The following SLC71A2 variants were observed in gnomAD, a reference collection of about 807,000 sequenced individuals.
SLC71A2 encodes hippocampus abundant transcript-like 1.
the SLC71A2 span, among the ~76,000 whole-genome samples, chr9:94,417,566 A>G: frequency 0.51 from 78,154 of 151,798 alleles, 20,369 homozygotes; most frequent in Admixed American, 0.61. Flanking sequence ...GATGGAGGTT[A>G]CAGTGAGCCA....
At chr9:94,448,350 TAAAAA>T in the SLC71A2 span, among the ~76,000 whole-genome samples, 1 of 150,542 alleles carries the variant, frequency 6.6e-6, no homozygotes, top group Non-Finnish European at 1.5e-5. Context: ...TTAAAGCAAT[TAAAAA>T]AAAGAAAACC....
the SLC71A2 span, among the ~76,000 whole-genome samples, chr9:94,455,784 T>G: frequency 6.6e-6 from 1 of 152,102 alleles, no homozygotes; most frequent in African/African-American, 2.4e-5. Context: ...GTTTTTCCAG[T>G]TGGGGGCACA....
chr9:94,387,124 ACT>A, the SLC71A2 span, among the ~76,000 whole-genome samples: 1 of 151,554 alleles, frequency 6.6e-6, no homozygotes, highest in African/African-American at 2.4e-5. Context: ...TGTGGAGAAC[ACT>A]CTCATGTCTA....
chr9:94,384,261 CTTTT>C, the SLC71A2 span, among the ~76,000 whole-genome samples: 2 of 150,824 alleles, frequency 1.3e-5, no homozygotes, highest in Non-Finnish European at 1.5e-5. Context: ...TCATCCTTAT[CTTTT>C]TGTGATTGAC....
At chr9:94,408,316 T>C in the SLC71A2 span, among the ~76,000 whole-genome samples, 13 of 152,168 alleles carry the variant, frequency 8.5e-5, no homozygotes, top group Admixed American at 7.9e-4. Context: ...AACCCCTTTG[T>C]AAGTCGAGGA....
the SLC71A2 span, among the ~76,000 whole-genome samples, chr9:94,415,418 C>T: frequency 1.3e-5 from 2 of 151,296 alleles, no homozygotes; most frequent in African/African-American, 4.9e-5. Context: ...TTCTGAACCA[C>T]ATGTAACACA....
At chr9:94,436,701 AT>A in the SLC71A2 span, among the ~76,000 whole-genome samples, 1 of 151,984 alleles carries the variant, frequency 6.6e-6, no homozygotes, top group South Asian at 2.1e-4. Flanking sequence ...CCCTCCTCTT[AT>A]CAGTTTACCT....
At chr9:94,451,555 A>G in the SLC71A2 span, 2 of 1,207,130 alleles carry the variant, frequency 1.7e-6, no homozygotes, top group Non-Finnish European at 2.3e-6. Flanking sequence ...TATACTTAAA[A>G]AATTTAAAAA....
the SLC71A2 span, among the ~76,000 whole-genome samples, chr9:94,403,538 G>C: frequency 1.3e-5 from 2 of 149,018 alleles, no homozygotes; most frequent in African/African-American, 5.0e-5. Context: ...ATATTCCATT[G>C]TATACATGTA....
chr9:94,397,487 GA>G, the SLC71A2 span, among the ~76,000 whole-genome samples: 112,328 of 145,854 alleles, frequency 0.77, 42,989 homozygotes, highest in East Asian at 0.94. Flanking sequence ...AGAGTGTTTG[GA>G]AAAAAAAAAA....
the SLC71A2 span, chr9:94,446,774 C>A: frequency 1.1e-6 from 1 of 939,920 alleles, no homozygotes; most frequent in Non-Finnish European, 1.7e-6. Flanking sequence ...ACATTGGCAA[C>A]ATTAATGTGT....
the SLC71A2 span, among the ~76,000 whole-genome samples, chr9:94,451,035 T>TTG: frequency 6.6e-6 from 1 of 152,184 alleles, no homozygotes; most frequent in Non-Finnish European, 1.5e-5. Context: ...TCCTTATCCC[T>TTG]TGTCTTTTGC....
At chr9:94,399,649 A>G in the SLC71A2 span, among the ~76,000 whole-genome samples, 12 of 152,146 alleles carry the variant, frequency 7.9e-5, no homozygotes, top group Admixed American at 2.0e-4. Flanking sequence ...CACAGCATAC[A>G]TGGTTCCAGA....
chr9:94,394,899 T>C, the SLC71A2 span, among the ~76,000 whole-genome samples: 8 of 134,320 alleles, frequency 6.0e-5, no homozygotes, highest in African/African-American at 2.2e-4. Context: ...ATGAGTCTTG[T>C]GGCAGTACTT....
chr9:94,419,673 C>A, the SLC71A2 span, among the ~76,000 whole-genome samples: 1 of 152,106 alleles, frequency 6.6e-6, no homozygotes, highest in East Asian at 1.9e-4. Context: ...CTCCTCGCCT[C>A]AGACAGTCTT....
At chr9:94,385,127 G>A in the SLC71A2 span, among the ~76,000 whole-genome samples, 2 of 152,036 alleles carry the variant, frequency 1.3e-5, no homozygotes, top group East Asian at 3.8e-4. Flanking sequence ...GCACAAAATA[G>A]ACTGAGACAC....
At chr9:94,391,662 C>T in the SLC71A2 span, among the ~76,000 whole-genome samples, 13 of 149,008 alleles carry the variant, frequency 8.7e-5, no homozygotes, top group African/African-American at 2.5e-4. Context: ...TTGAGGCGGG[C>T]GGATTGCCTC....
At chr9:94,447,392 T>C in the SLC71A2 span, among the ~76,000 whole-genome samples, 107,711 of 151,228 alleles carry the variant, frequency 0.71, 39,925 homozygotes, top group African/African-American at 0.93. Context: ...GTTGGCCAGG[T>C]TGGTCTCGAA....
chr9:94,456,269 C>T, the SLC71A2 span: 1 of 1,614,114 alleles, frequency 6.2e-7, no homozygotes, highest in African/African-American at 1.3e-5. Context: ...ACCGTGGCTG[C>T]CATGTCCAGC....
Sources: gnomAD v4.1 joint callset for allele counts (sites outside exome capture counted in the v4.1 genomes callset) on GRCh38, gnomAD v4.1.1 for gene constraint, MANE v1.5 for transcripts, NCBI Gene and HGNC (gene_info 2026-07-23, HGNC 2026-07-21) for gene names.